Variants in ZNF226 observed in about 807,000 individuals in gnomAD.
ZNF226 encodes Kruppel-associated box protein.
In ZNF226, 6 loss-of-function variants were observed where a neutral mutation model predicts 11.4. That is an observed-to-expected ratio of 0.53 (90% CI 0.29 to 1.04). The LOEUF (loss-of-function observed/expected upper bound fraction) is 1.04. ZNF226 is among the 50% of genes least tolerant of loss of function. ZNF226 has a pLI of 0.08. For missense variants in ZNF226, 1,058 were observed against 956.5 expected (o/e 1.11, Z -1.40); for synonymous variants, 350 against 322.8 (o/e 1.08, Z -0.90).
chr19:44,182,267 T>A (rs1970916416), downstream of ZNF226, among the ~76,000 whole-genome samples: 1 of 152,246 alleles, frequency 6.6e-6, no homozygotes, highest in African/African-American at 2.4e-5. Context: ...TGTTAGGGGA[T>A]GCTCTATGCA....
At chr19:44,189,618 G>A in the ZNF226 span, among the ~76,000 whole-genome samples, 2 of 152,162 alleles carry the variant, frequency 1.3e-5, no homozygotes, top group African/African-American at 2.4e-5. Context: ...TCTACAGTTG[G>A]CATAACAGAT....
chr19:44,168,591 A>T (rs1831739944), intron 2 of ZNF226, among the ~76,000 whole-genome samples: 2 of 152,238 alleles, frequency 1.3e-5, no homozygotes, highest in South Asian at 4.1e-4. Flanking sequence ...TTATTTGTAA[A>T]ATGTTCTTAT....
the ZNF226 span, among the ~76,000 whole-genome samples, chr19:44,193,567 T>G: frequency 6.6e-6 from 1 of 152,200 alleles, no homozygotes; most frequent in African/African-American, 2.4e-5. Flanking sequence ...CCTCTTCAAT[T>G]TTAAATGAGT....
At chr19:44,168,833 C>A (rs937631724) in intron 2 of ZNF226, among the ~76,000 whole-genome samples, 23 of 152,042 alleles carry the variant, frequency 1.5e-4, no homozygotes, top group Non-Finnish European at 3.2e-4. Context: ...TCTTATTCCT[C>A]ACCAAACTCA....
In ZNF226 at chr19:44,177,388, G is replaced by A. The variant is rs761087488; in HGVS notation, c.2126G>A (p.Ser709Asn). Reference sequence around the variant, plus strand: ...TGTGGGGAGTGTGGTAAGTACTTCAGTCAGGCCTCAAGTCTTCAACTTCAT... The same window carrying A: ...TGTGGGGAGTGTGGTAAGTACTTCAATCAGGCCTCAAGTCTTCAACTTCAT... ...YKCGECGKYF[S>N]QASSLQLHQS... The change falls in exon 6 of 6, where the codon AGT (serine) becomes AAT (asparagine). Residue 709 changes from serine to asparagine, a missense_variant. Physicochemically the swap from Ser to Asn is conservative, Grantham distance 46. Coordinates refer to ENST00000337433, the MANE Select transcript of ZNF226 (RefSeq NM_001032373.2). 6.2e-7 allele frequency: 1 copy of A among 1,614,022 alleles called. No homozygotes were observed. Among genetic ancestry groups the A allele is most frequent in the Non-Finnish European group, 8.5e-7 (1 of 1,179,992 alleles).
the ZNF226 span, among the ~76,000 whole-genome samples, chr19:44,185,603 G>GT: frequency 2.7e-4 from 41 of 151,768 alleles, no homozygotes; most frequent in African/African-American, 7.3e-4. Context: ...ATTATTTGGG[G>GT]TTTTTTTGTT....
chr19:44,175,856 A>T lies in ZNF226; in HGVS notation c.594A>T (p.Gln198His), dbSNP rs984138209. The change falls in exon 6 of 6, where the codon CAA becomes CAT. Residue 198 changes from glutamine (Q) to histidine (H), a missense_variant. Physicochemically the swap from Gln to His is conservative, Grantham distance 24. Transcript: ENST00000337433. ...TTTCCATAAAAAATAAATTATGTCAATGTAAGAAGGGTGTTGATCCCATCG... is the reference window on the plus strand; with the variant it reads ...TTTCCATAAAAAATAAATTATGTCATTGTAAGAAGGGTGTTGATCCCATCG... ...QQISIKNKLCQCKKGVDPIGW... is the reference protein window; with the variant it reads ...QQISIKNKLCHCKKGVDPIGW... 1 of 1,613,676 alleles carries T rather than the reference A, an allele frequency of 6.2e-7. No homozygotes were observed. The highest frequency in any genetic ancestry group is 8.5e-7 in the Non-Finnish European group (1 of 1,179,788).
At chr19:44,170,245 G>A (rs1422700034) in intron 3 of ZNF226, 150 bp downstream of exon 3, 3 of 673,822 alleles carry the variant, frequency 4.5e-6, no homozygotes, top group South Asian at 3.1e-5. Flanking sequence ...GAGTTTAGCT[G>A]GTTTTGGTTT....
the ZNF226 span, among the ~76,000 whole-genome samples, chr19:44,197,495 G>T: frequency 6.6e-6 from 1 of 152,116 alleles, no homozygotes; most frequent in African/African-American, 2.4e-5. Context: ...GAGGGGTTGG[G>T]ACATATTGGT....
At chr19:44,166,209 A>C (rs1202436558) in intron 2 of ZNF226, among the ~76,000 whole-genome samples, 2 of 152,196 alleles carry the variant, frequency 1.3e-5, no homozygotes, top group Non-Finnish European at 2.9e-5. Context: ...TATGACTTTT[A>C]AAAAATAGTG....
chr19:44,178,594 C>G (rs772566990), downstream of ZNF226, among the ~76,000 whole-genome samples: 1 of 152,102 alleles, frequency 6.6e-6, no homozygotes, highest in Non-Finnish European at 1.5e-5. Context: ...TAAATTTCAT[C>G]AAAAATCGAT....
At chr19:44,184,869 AT>A in the ZNF226 span, among the ~76,000 whole-genome samples, 11 of 152,348 alleles carry the variant, frequency 7.2e-5, no homozygotes, top group African/African-American at 2.6e-4. Context: ...CAACAGATCT[AT>A]AGAACTTTTC....
chr19:44,190,471 C>T, the ZNF226 span, among the ~76,000 whole-genome samples: 4 of 151,958 alleles, frequency 2.6e-5, no homozygotes, highest in African/African-American at 7.3e-5. Context: ...GTAGCTGGGA[C>T]TACAGGCGCC....
In ZNF226 at chr19:44,176,115, C is replaced by T. The variant is rs781765760; in HGVS notation, c.853C>T (p.Arg285Cys). 5.3e-5 allele frequency: 86 copies of T among 1,613,976 alleles called. No homozygotes were observed. In the East Asian group the frequency reaches 1.1e-3, roughly 20 times the overall value. ...AGAGAAGTCTCTTACATGTGTTGAG[C>T]GTGGAAAAGGCTTCTGTTACAGCCC... The part of the protein sequence containing the change: ...SGEKSLTCVE[R>C]GKGFCYSPVL... The change falls in exon 6 of 6, where the codon CGT becomes TGT. Residue 285 changes from arginine to cysteine, a missense_variant. Coordinates refer to ENST00000337433, the MANE Select transcript of ZNF226 (RefSeq NM_001032373.2).
At chr19:44,173,734 G>A (rs1970384853) in intron 5 of ZNF226, 1 of 152,224 alleles carries the variant, frequency 6.6e-6, no homozygotes, top group South Asian at 2.1e-4. Flanking sequence ...CTCCAGCCTG[G>A]GCGATAGAGC....
rs1429106582 is a variant in ZNF226 at position 44,176,239 on chromosome 19, A to G, written c.977A>G (p.Gln326Arg). 6.2e-7 allele frequency: 1 copy of G among 1,614,220 alleles called. No individual in the cohort carries two copies. The highest frequency in any genetic ancestry group is 2.2e-5 in the East Asian group (1 of 44,886). The change falls in exon 6 of 6, where the codon CAG (glutamine) becomes CGG (arginine). Residue 326 changes from glutamine (Q) to arginine (R), a missense_variant. Gln to Arg is a conservative substitution (Grantham distance 43). Coordinates refer to ENST00000337433, the MANE Select transcript of ZNF226 (RefSeq NM_001032373.2). ...FSQGAHLQTH[Q>R]KVHVIEKPYK... is the part of the protein sequence containing the mutation. ...CAGGGCGCTCATCTACAGACCCATC[A>G]GAAAGTCCACGTGATAGAGAAACCA...
At chr19:44,177,687 A>G, downstream of ZNF226, 1 of 1,552,384 alleles carries the variant, frequency 6.4e-7, no homozygotes, top group African/African-American at 1.4e-5. Flanking sequence ...CTTTGTGAAG[A>G]CTCGTGTCAT....
At chr19:44,195,102 A>C in the ZNF226 span, among the ~76,000 whole-genome samples, 2 of 152,220 alleles carry the variant, frequency 1.3e-5, no homozygotes, top group Admixed American at 1.3e-4. Flanking sequence ...TGGGAACCAG[A>C]GTACTCTCCA....
downstream of ZNF226, among the ~76,000 whole-genome samples, chr19:44,179,158 C>G (rs1970868571): frequency 6.6e-6 from 1 of 151,806 alleles, no homozygotes; most frequent in African/African-American, 2.4e-5. Context: ...CTAGCCTGGG[C>G]GATAGAGTGA....
Sources: allele counts gnomAD v4.1 joint callset (sites outside exome capture counted in the v4.1 genomes callset), GRCh38; gene constraint gnomAD v4.1.1; transcripts MANE v1.5; gene names NCBI Gene and HGNC (gene_info 2026-07-23, HGNC 2026-07-21).